Variants in NCAM1 observed in about 807,000 individuals in gnomAD.
NCAM1 encodes the protein neural cell adhesion molecule 1.
In NCAM1, 14 loss-of-function variants were observed where a neutral mutation model predicts 109.8. The observed-to-expected ratio is 0.13, with a 90% CI of 0.08 to 0.20. NCAM1 has a LOEUF of 0.20. NCAM1 is among the 10% of genes least tolerant of loss of function. NCAM1 has a pLI of 1.00. For missense variants in NCAM1, 774 were observed against 1,109.9 expected, an observed-to-expected ratio of 0.70 and a Z score of 4.30; for synonymous variants, 418 against 442.9, an observed-to-expected ratio of 0.94 and a Z score of 0.70.
chr11:113,064,996 T>G (rs1350382949), intron 1 of NCAM1, among the ~76,000 whole-genome samples: 3 of 152,178 alleles, frequency 2.0e-5, no homozygotes, highest in Non-Finnish European at 4.4e-5. Flanking sequence ...AGCACCCATA[T>G]CTTGGTTTCT....
intron 1 of NCAM1, among the ~76,000 whole-genome samples, chr11:113,192,426 G>T (rs1237418423): frequency 1.7e-3 from 7 of 4,100 alleles, no homozygotes; most frequent in African/African-American, 0.011. Flanking sequence ...AACAGGAAAG[G>T]TGGCCTGAAA....
intron 1 of NCAM1, among the ~76,000 whole-genome samples, chr11:113,054,998 C>CT (rs1206913499): frequency 9.2e-5 from 14 of 152,306 alleles, no homozygotes; most frequent in African/African-American, 3.4e-4. Context: ...CCCCTCACAA[C>CT]TTTGTCACAG....
intron 1 of NCAM1, among the ~76,000 whole-genome samples, chr11:113,190,222 G>A (rs1555109587): frequency 6.6e-6 from 1 of 152,218 alleles, no homozygotes; most frequent in African/African-American, 2.4e-5. Context: ...GAAGAATGAA[G>A]ACAGAATGTC....
chr11:113,076,402 G>A (rs1299782384), intron 1 of NCAM1, among the ~76,000 whole-genome samples: 1 of 152,118 alleles, frequency 6.6e-6, no homozygotes, highest in Non-Finnish European at 1.5e-5. Context: ...CATAGCCATG[G>A]CCCCTCTAGG....
At chr11:113,160,897 GTCTGT>G (rs1942579287) in intron 1 of NCAM1, among the ~76,000 whole-genome samples, 1 of 152,210 alleles carries the variant, frequency 6.6e-6, no homozygotes, top group Non-Finnish European at 1.5e-5. Flanking sequence ...TCTGGGCCTT[GTCTGT>G]TCCCTGATAG....
chr11:112,965,547 G>A (rs1268979405), intron 1 of NCAM1, among the ~76,000 whole-genome samples: 2 of 152,136 alleles, frequency 1.3e-5, no homozygotes, highest in Non-Finnish European at 2.9e-5. Context: ...CTAATCTTTA[G>A]ACATGTTTTT....
chr11:113,127,879 T>C (rs1272344179), intron 1 of NCAM1, among the ~76,000 whole-genome samples: 1 of 152,128 alleles, frequency 6.6e-6, no homozygotes, highest in Non-Finnish European at 1.5e-5. Context: ...TGCCCTTAGA[T>C]ACAAAGTAGC....
chr11:113,153,503 G>A (rs1388821013), intron 1 of NCAM1, among the ~76,000 whole-genome samples: 1 of 151,840 alleles, frequency 6.6e-6, no homozygotes, highest in African/African-American at 2.4e-5. Context: ...TGTGGCAAAC[G>A]TGATGGATAA....
intron 8 of NCAM1, among the ~76,000 whole-genome samples, 168 bp downstream of exon 8, chr11:113,214,679 C>A (rs1193782391): frequency 5.9e-5 from 9 of 152,194 alleles, no homozygotes; most frequent in African/African-American, 1.9e-4. Context: ...ATGGCCTGCT[C>A]ATCATCCCCT....
At chr11:113,093,886 GC>G (rs782156978) in intron 1 of NCAM1, among the ~76,000 whole-genome samples, 3 of 152,138 alleles carry the variant, frequency 2.0e-5, no homozygotes, top group Admixed American at 1.3e-4. Context: ...CTGATGTTCT[GC>G]CTTCGCTCTG....
intron 1 of NCAM1, among the ~76,000 whole-genome samples, chr11:113,181,230 C>T (rs905741951): frequency 3.9e-5 from 6 of 152,126 alleles, no homozygotes; most frequent in African/African-American, 1.4e-4. Flanking sequence ...TGGGCAGCCT[C>T]TCGGGCCCTG....
intron 1 of NCAM1, among the ~76,000 whole-genome samples, chr11:113,119,146 A>G (rs1555095526): frequency 6.6e-6 from 1 of 151,578 alleles, no homozygotes; most frequent in Non-Finnish European, 1.5e-5. Context: ...GACATTAGAC[A>G]GGAAGGGAGA....
At chr11:112,990,683 A>AT (rs1555070442) in intron 1 of NCAM1, among the ~76,000 whole-genome samples, 2 of 151,698 alleles carry the variant, frequency 1.3e-5, no homozygotes, top group Admixed American at 6.6e-5. Context: ...AGTGGGTGTG[A>AT]TTTTTTCTGG....
intron 1 of NCAM1, among the ~76,000 whole-genome samples, chr11:112,995,767 G>A (rs1951577271): frequency 6.6e-6 from 1 of 152,206 alleles, no homozygotes; most frequent in Non-Finnish European, 1.5e-5. Flanking sequence ...ATAGAGGAGT[G>A]AGCCTGCTGT....
intron 1 of NCAM1, among the ~76,000 whole-genome samples, chr11:112,979,216 T>C (rs1555068209): frequency 7.1e-6 from 1 of 141,160 alleles, no homozygotes; most frequent in Admixed American, 7.5e-5. Flanking sequence ...ATTAGACTGG[T>C]AGAACAAAAA....
intron 9 of NCAM1, among the ~76,000 whole-genome samples, chr11:113,225,050 C>G (rs1944801141): frequency 6.6e-6 from 1 of 152,228 alleles, no homozygotes; most frequent in Non-Finnish European, 1.5e-5. Context: ...AGGAACGCAG[C>G]TCCTCACCAG....
At chr11:113,097,566 T>C (rs2135823839) in intron 1 of NCAM1, among the ~76,000 whole-genome samples, 1 of 151,982 alleles carries the variant, frequency 6.6e-6, no homozygotes, top group African/African-American at 2.4e-5. Context: ...GGGAACTCTG[T>C]TAAATAGATC....
At chr11:112,973,239 G>A (rs1268106777) in intron 1 of NCAM1, among the ~76,000 whole-genome samples, 5 of 152,092 alleles carry the variant, frequency 3.3e-5, no homozygotes, top group African/African-American at 1.2e-4. Context: ...CTTTTCTAAT[G>A]TTCGTTTAGT....
At chr11:113,048,580 A>G (rs560463780) in intron 1 of NCAM1, among the ~76,000 whole-genome samples, 1 of 152,326 alleles carries the variant, frequency 6.6e-6, no homozygotes, top group African/African-American at 2.4e-5. Flanking sequence ...AGTTTCTCTG[A>G]TTCCCTTGGT....
Sources: allele counts gnomAD v4.1 joint callset (sites outside exome capture counted in the v4.1 genomes callset), GRCh38; gene constraint gnomAD v4.1.1; transcripts MANE v1.5; gene names NCBI Gene and HGNC (gene_info 2026-07-23, HGNC 2026-07-21).